The following MAML2 variants were observed in gnomAD, a reference collection of about 807,000 sequenced individuals.
The protein encoded by MAML2 is mastermind like transcriptional coactivator 2.
In MAML2, 22 loss-of-function variants were observed where a neutral mutation model predicts 96.1. The ratio of observed to expected loss-of-function variants is 0.23; its 90% CI spans 0.16 to 0.33. MAML2 has a LOEUF of 0.33. Among genes scored for constraint, MAML2 ranks in the 10% least tolerant of loss-of-function variants. MAML2 has a pLI of 1.00. For synonymous variants in MAML2, 561 were observed against 521.3 expected, an observed-to-expected ratio of 1.08 and a Z score of -1.04; for missense variants, 1,367 against 1,392.4, an observed-to-expected ratio of 0.98 and a Z score of 0.29.
At chr11:96,098,605 G>A (rs73523567) in intron 1 of MAML2, among the ~76,000 whole-genome samples, 2,890 of 152,294 alleles carry the variant, frequency 0.019, 96 homozygotes, top group African/African-American at 0.064. Flanking sequence ...ACTTTCTTTT[G>A]CTGAGATCCA....
chr11:96,013,699 G>A (rs565715318), intron 2 of MAML2, among the ~76,000 whole-genome samples: 66 of 152,344 alleles, frequency 4.3e-4, no homozygotes, highest in African/African-American at 1.6e-3. Flanking sequence ...CCTGCAGGCC[G>A]TCAGCAGGAC....
At chr11:96,177,163 T>A (rs1233949759) in intron 1 of MAML2, among the ~76,000 whole-genome samples, 1 of 152,224 alleles carries the variant, frequency 6.6e-6, no homozygotes, top group Non-Finnish European at 1.5e-5. Context: ...GATTGAACCA[T>A]AAAAGTGAAG....
intron 2 of MAML2, among the ~76,000 whole-genome samples, chr11:96,065,985 C>G (rs1251611772): frequency 6.6e-6 from 1 of 152,066 alleles, no homozygotes; most frequent in East Asian, 1.9e-4. Flanking sequence ...TGCATCGAAT[C>G]CCCCTTTTCT....
chr11:96,096,400 T>C (rs1859829245), intron 1 of MAML2, among the ~76,000 whole-genome samples: 1 of 152,234 alleles, frequency 6.6e-6, no homozygotes, highest in African/African-American at 2.4e-5. Flanking sequence ...TATTTAACTC[T>C]CACAACTCTC....
intron 4 of MAML2, among the ~76,000 whole-genome samples, chr11:95,981,917 C>T (rs1467257648): frequency 6.6e-6 from 1 of 152,056 alleles, no homozygotes; most frequent in Non-Finnish European, 1.5e-5. Context: ...ATAAGGAAAA[C>T]AATCTTTTTA....
intron 1 of MAML2, among the ~76,000 whole-genome samples, chr11:96,306,852 G>A (rs1172605409): frequency 1.3e-5 from 2 of 152,144 alleles, no homozygotes; most frequent in Non-Finnish European, 2.9e-5. Context: ...TTGCTTTTCA[G>A]TTGGAGTGAG....
At chr11:96,251,040 A>T (rs1862575700) in intron 1 of MAML2, among the ~76,000 whole-genome samples, 1 of 152,176 alleles carries the variant, frequency 6.6e-6, no homozygotes, top group Non-Finnish European at 1.5e-5. Flanking sequence ...CAAATGCCAA[A>T]GTTTTTAGCA....
intron 2 of MAML2, among the ~76,000 whole-genome samples, chr11:96,007,678 A>G (rs75655093): frequency 0.021 from 2,968 of 144,720 alleles, 93 homozygotes; most frequent in African/African-American, 0.082. Context: ...AAACAACTAA[A>G]TAATTACTTG....
intron 1 of MAML2, among the ~76,000 whole-genome samples, chr11:96,316,819 C>T (rs1450454245): frequency 3.3e-5 from 5 of 151,926 alleles, no homozygotes; most frequent in Non-Finnish European, 4.4e-5. Context: ...TTGCAGCAGT[C>T]GAGGGGAGAG....
intron 1 of MAML2, among the ~76,000 whole-genome samples, chr11:96,234,189 T>C (rs375401497): frequency 4.6e-4 from 70 of 152,254 alleles, no homozygotes; most frequent in African/African-American, 1.6e-3. Flanking sequence ...GCAGTTAAAA[T>C]GGGATAACAG....
chr11:96,299,559 G>A (rs1565277393), intron 1 of MAML2, among the ~76,000 whole-genome samples: 1 of 152,086 alleles, frequency 6.6e-6, no homozygotes, highest in Admixed American at 6.6e-5. Flanking sequence ...TCAGACAAAA[G>A]GGAGGTGAGA....
chr11:96,279,830 A>G (rs757437842), intron 1 of MAML2, among the ~76,000 whole-genome samples: 2 of 152,152 alleles, frequency 1.3e-5, no homozygotes, highest in Non-Finnish European at 2.9e-5. Context: ...GTGTGTTATA[A>G]CCCACAGTGT....
intron 1 of MAML2, among the ~76,000 whole-genome samples, chr11:96,223,148 A>G (rs945843556): frequency 1.3e-5 from 2 of 152,180 alleles, no homozygotes; most frequent in African/African-American, 4.8e-5. Flanking sequence ...ACGTTATATG[A>G]AAACTGTCAT....
At chr11:95,979,993 C>A in intron 4 of MAML2, 30 bp from the exon 5 acceptor site, 1 of 1,561,614 alleles carries the variant, frequency 6.4e-7, no homozygotes, top group Non-Finnish European at 8.7e-7. Context: ...TTTATTAGTT[C>A]GTAGCAGCAT....
Position 96,158,819 on chromosome 11 carries a change from C to G in MAML2, c.514-65302G>C, listed in dbSNP as rs777077074. 3.9e-5 allele frequency among the ~76,000 whole-genome samples: 6 copies of G among 152,090 alleles called. No homozygotes were observed. The South Asian group carries it at 6.2e-4, about 16-fold the overall frequency. The stretch of plus-strand genomic sequence containing the variant: ...AGGATGTGGATAAGGCTTCATCGTC[C>G]CAGACTTACCTTTCAGGAAAGGACA... On this transcript the variant is annotated intron_variant, in intron 1 of 4. Transcript: ENST00000524717.
In MAML2 at chr11:96,241,873, AGTTT is replaced by A. The variant is rs545080488; in HGVS notation, c.513+99506_513+99509del. Among the ~76,000 whole-genome samples the A allele has an allele frequency of 3.9e-3, 587 of 152,282 alleles. 2 individuals are homozygous for A. Among genetic ancestry groups the A allele is most frequent in the African/African-American group, 0.013 (546 of 41,544 alleles). ...TCTAAGTATCGTTCTGGTTTGAATT[AGTTT>A]GTTTGGTCTATTTTTGAACATATTT... On this transcript the variant is annotated intron_variant, in intron 1 of 4. Transcript: ENST00000524717.
At chr11:96,322,269 G>A (rs1458010455) in intron 1 of MAML2, among the ~76,000 whole-genome samples, 1 of 152,160 alleles carries the variant, frequency 6.6e-6, no homozygotes, top group Non-Finnish European at 1.5e-5. Context: ...GTCAAGGTGA[G>A]AGGGGAGGAA....
At chr11:96,148,396 C>T (rs1860854230) in intron 1 of MAML2, among the ~76,000 whole-genome samples, 12 of 151,660 alleles carry the variant, frequency 7.9e-5, no homozygotes, top group Admixed American at 7.9e-4. Context: ...AAATGTCACC[C>T]TCTAAGTGAA....
At chr11:96,048,562 CTT>C (rs1432829321) in intron 2 of MAML2, among the ~76,000 whole-genome samples, 1 of 152,064 alleles carries the variant, frequency 6.6e-6, no homozygotes, top group Non-Finnish European at 1.5e-5. Context: ...AAGAAAATGT[CTT>C]AAGAGGAGTT....
Sources: gnomAD v4.1 joint callset for allele counts (sites outside exome capture counted in the v4.1 genomes callset) on GRCh38, gnomAD v4.1.1 for gene constraint, MANE v1.5 for transcripts, NCBI Gene and HGNC (gene_info 2026-07-23, HGNC 2026-07-21) for gene names.